Variants in DMD observed in about 807,000 individuals in gnomAD.
DMD encodes the protein mutant dystrophin.
In DMD, 63 loss-of-function variants were observed where a neutral mutation model predicts 330.1. The observed-to-expected ratio is 0.19, with a 90% CI of 0.16 to 0.24. DMD has a LOEUF of 0.24. Among genes scored for constraint, DMD ranks in the 10% least tolerant of loss-of-function variants. The probability of loss-of-function intolerance (pLI) is 1.00; values close to 1 mark genes in which losing one functional copy is unlikely to be tolerated. For synonymous variants in DMD, 1,223 were observed against 959.8 expected (o/e 1.27, Z -5.07); for missense variants, 3,344 against 2,684.1 (o/e 1.25, Z -5.43).
intron 60 of DMD, among the ~76,000 whole-genome samples, chrX:31,413,925 T>G (rs1450295315): frequency 2.7e-5 from 3 of 110,580 alleles, no homozygotes; most frequent in African/African-American, 9.8e-5. Flanking sequence ...CTCTAGTGAA[T>G]ATTAAAGTCT....
intron 16 of DMD, among the ~76,000 whole-genome samples, chrX:32,564,185 T>C (rs2051407202): frequency 8.9e-6 from 1 of 112,069 alleles, no homozygotes; most frequent in African/African-American, 3.2e-5. Context: ...CTCAGGTGGC[T>C]ACTATGCAGA....
intron 13 of DMD, among the ~76,000 whole-genome samples, chrX:32,586,631 G>A (rs1326162688): frequency 2.8e-5 from 3 of 108,536 alleles, no homozygotes; most frequent in East Asian, 2.9e-4. Context: ...GTATTCCCCC[G>A]TTGCTGATTA....
chrX:32,101,501 C>T (rs1467869998), intron 44 of DMD, among the ~76,000 whole-genome samples: 6 of 111,820 alleles, frequency 5.4e-5, no homozygotes, highest in Non-Finnish European at 7.5e-5. Context: ...TATTTTCTCC[C>T]CTTGCAATTG....
intron 2 of DMD, among the ~76,000 whole-genome samples, chrX:32,887,765 A>AAAAAAAAAAAAAAAAAC (rs2084788616): frequency 9.9e-6 from 1 of 101,312 alleles, no homozygotes; most frequent in African/African-American, 3.7e-5. Flanking sequence ...AAAAAAAAAA[A>AAAAAAAAAAAAAAAAAC]AAAAAAAAAA....
At chrX:31,538,733 T>C (rs1299585005) in intron 55 of DMD, among the ~76,000 whole-genome samples, 1 of 111,735 alleles carries the variant, frequency 8.9e-6, no homozygotes, top group Admixed American at 9.5e-5. Context: ...TTCTTATATA[T>C]CGTAAATCTA....
chrX:31,404,636 C>T (rs1254480151), intron 60 of DMD, among the ~76,000 whole-genome samples: 1 of 111,724 alleles, frequency 9.0e-6, no homozygotes, highest in Non-Finnish European at 1.9e-5. Context: ...AAAAGTAGTA[C>T]ATTTTTAAAT....
At chrX:32,631,661 T>G (rs775089703) in intron 11 of DMD, among the ~76,000 whole-genome samples, 39 of 111,310 alleles carry the variant, frequency 3.5e-4, no homozygotes, top group African/African-American at 1.2e-3. Context: ...GGAGGAGCAG[T>G]CATGTCACAC....
At chrX:32,069,762 C>T (rs1420947309) in intron 44 of DMD, among the ~76,000 whole-genome samples, 2 of 111,430 alleles carry the variant, frequency 1.8e-5, no homozygotes, top group Non-Finnish European at 3.8e-5. Flanking sequence ...AGTTCAGGGG[C>T]GCTGTGAATT....
At chrX:32,568,316 T>C (rs189683762) in intron 15 of DMD, among the ~76,000 whole-genome samples, 32 of 110,998 alleles carry the variant, frequency 2.9e-4, no homozygotes, top group Non-Finnish European at 4.5e-4. Context: ...CAGATCAGCC[T>C]GGCCAACATA....
intron 51 of DMD, among the ~76,000 whole-genome samples, chrX:31,763,960 C>T (rs1322719775): frequency 2.7e-5 from 3 of 111,343 alleles, no homozygotes; most frequent in African/African-American, 9.8e-5. Context: ...ACTGCAGCCT[C>T]GAACTCCTGG....
intron 40 of DMD, chrX:32,342,755 T>G (rs145727664): frequency 6.3e-4 from 196 of 311,573 alleles, no homozygotes; most frequent in African/African-American, 4.7e-3. Flanking sequence ...AATAAATCTA[T>G]AGAGAGTGAA....
intron 2 of DMD, among the ~76,000 whole-genome samples, chrX:32,953,191 A>G (rs1030565165): frequency 9.1e-6 from 1 of 109,795 alleles, no homozygotes; most frequent in Admixed American, 9.8e-5. Context: ...GAGTAACTGT[A>G]TCAGACCAGA....
intron 59 of DMD, among the ~76,000 whole-genome samples, chrX:31,465,427 C>A (rs2066790822): frequency 1.8e-5 from 2 of 110,853 alleles, no homozygotes; most frequent in Admixed American, 1.9e-4. Context: ...CGTTGTTCAA[C>A]TCCCACTTAC....
intron 30 of DMD, among the ~76,000 whole-genome samples, chrX:32,397,741 G>A (rs1196988530): frequency 9.0e-6 from 1 of 111,087 alleles, no homozygotes; most frequent in African/African-American, 3.3e-5. Context: ...AGAGAGCAGG[G>A]CTGTTTTTAA....
intron 47 of DMD, among the ~76,000 whole-genome samples, chrX:31,897,733 G>A (rs2094363192): frequency 1.0e-5 from 1 of 100,377 alleles, no homozygotes; most frequent in South Asian, 4.9e-4. Context: ...TTTGAGAAGT[G>A]TCTGTTCATG....
intron 44 of DMD, among the ~76,000 whole-genome samples, chrX:32,104,006 A>G (rs1041923963): frequency 1.8e-5 from 2 of 111,153 alleles, no homozygotes; most frequent in African/African-American, 6.5e-5. Context: ...TGACTACAGA[A>G]CCGGCCACGG....
At chrX:32,691,617 A>G (rs1334912041) in intron 9 of DMD, among the ~76,000 whole-genome samples, 3 of 111,125 alleles carry the variant, frequency 2.7e-5, no homozygotes, top group Non-Finnish European at 5.7e-5. Context: ...CAAAAATTAA[A>G]AACAGAACTC....
intron 1 of DMD, among the ~76,000 whole-genome samples, chrX:33,239,580 G>C (rs2052553578): frequency 1.8e-5 from 2 of 111,648 alleles, no homozygotes; most frequent in African/African-American, 6.5e-5. Flanking sequence ...AAAAAATCCA[G>C]AATCAAAATC....
At chrX:32,229,697 T>C (rs1186031091) in intron 43 of DMD, among the ~76,000 whole-genome samples, 1 of 75,548 alleles carries the variant, frequency 1.3e-5, no homozygotes, top group African/African-American at 4.9e-5. Context: ...TATATATATA[T>C]ATATATATAT....
Sources: gnomAD v4.1 joint callset for allele counts (sites outside exome capture counted in the v4.1 genomes callset) on GRCh38, gnomAD v4.1.1 for gene constraint, MANE v1.5 for transcripts, NCBI Gene and HGNC (gene_info 2026-07-23, HGNC 2026-07-21) for gene names.